Variants in GMDS observed in about 807,000 individuals in gnomAD.
The protein encoded by GMDS is GDP-mannose 4,6-dehydratase, also known as GDP-mannose 4,6 dehydratase.
A neutral mutation model predicts 49.9 loss-of-function variants in GMDS; 20 were observed. That is an observed-to-expected ratio of 0.40 (90% confidence interval 0.28 to 0.58). GMDS has a LOEUF of 0.58. GMDS is among the 20% of genes least tolerant of loss of function. The probability of loss-of-function intolerance (pLI) is 0.42; values close to 1 mark genes in which losing one functional copy is unlikely to be tolerated. For missense variants in GMDS, 362 were observed against 481.4 expected (o/e 0.75, Z 2.32); for synonymous variants, 177 against 178.6 (o/e 0.99, Z 0.07).
chr6:2,205,616 C>T (rs1219223184), intron 1 of GMDS, among the ~76,000 whole-genome samples: 1 of 152,194 alleles, frequency 6.6e-6, no homozygotes, highest in African/African-American at 2.4e-5. Context: ...TCTTACAAGT[C>T]CTGCACAATG....
chr6:2,059,175 CAAAAAAAAAA>C (rs55832305), intron 4 of GMDS, among the ~76,000 whole-genome samples: 6 of 30,014 alleles, frequency 2.0e-4, no homozygotes, highest in Admixed American at 1.2e-3. Flanking sequence ...TCCTCTGTCT[CAAAAAAAAAA>C]AAAAAAAAAA....
chr6:2,068,756 G>A (rs1369382007), intron 4 of GMDS, among the ~76,000 whole-genome samples: 1 of 152,142 alleles, frequency 6.6e-6, no homozygotes, highest in East Asian at 1.9e-4. Flanking sequence ...ACTGCTCAAG[G>A]AAATAAAAGA....
At chr6:1,779,694 T>C (rs1768998850) in intron 7 of GMDS, among the ~76,000 whole-genome samples, 1 of 152,106 alleles carries the variant, frequency 6.6e-6, no homozygotes, top group African/African-American at 2.4e-5. Context: ...CAAGCATGAC[T>C]CAATCATGGA....
At chr6:2,119,533 G>A (rs1775025511) in intron 2 of GMDS, among the ~76,000 whole-genome samples, 1 of 152,190 alleles carries the variant, frequency 6.6e-6, no homozygotes, top group South Asian at 2.1e-4. Flanking sequence ...GTCTGCTTCT[G>A]AGACAGGTGA....
intron 1 of GMDS, among the ~76,000 whole-genome samples, chr6:2,182,282 A>G (rs1337300214): frequency 1.3e-5 from 2 of 152,250 alleles, no homozygotes; most frequent in East Asian, 1.9e-4. Context: ...TGAAAAAACT[A>G]TCTCCATAAC....
intron 4 of GMDS, among the ~76,000 whole-genome samples, chr6:2,095,353 C>T (rs1773535491): frequency 6.6e-6 from 1 of 152,194 alleles, no homozygotes; most frequent in Non-Finnish European, 1.5e-5. Context: ...CTCGTATTAA[C>T]TTAAGAACAT....
At chr6:1,882,519 T>G (rs897138765) in intron 7 of GMDS, among the ~76,000 whole-genome samples, 12 of 152,130 alleles carry the variant, frequency 7.9e-5, no homozygotes, top group African/African-American at 2.9e-4. Flanking sequence ...ATTTTGCAAT[T>G]AGAATAATCA....
chr6:1,941,052 A>C (rs147069587), intron 6 of GMDS, among the ~76,000 whole-genome samples: 1 of 122,302 alleles, frequency 8.2e-6, no homozygotes, highest in Non-Finnish European at 1.7e-5. Context: ...AACCCCACAA[A>C]GACAAAATCC....
At chr6:2,073,578 T>C (rs994001774) in intron 4 of GMDS, among the ~76,000 whole-genome samples, 5 of 152,300 alleles carry the variant, frequency 3.3e-5, no homozygotes, top group Non-Finnish European at 7.3e-5. Flanking sequence ...CCTACCCTGC[T>C]ACCAAATATT....
chr6:2,012,160 T>C lies in GMDS; in HGVS notation c.346-51194A>G, dbSNP rs371407185. On this transcript the variant is annotated intron_variant, in intron 4 of 10. Coordinates refer to ENST00000380815, the MANE Select transcript of GMDS (RefSeq NM_001500.4). ...GAGAAATTACGTGGTGGGTATAATG[T>C]ACTCTATTTGGGTGATGATTACACT... 3.0e-3 allele frequency among the ~76,000 whole-genome samples: 460 copies of C among 152,190 alleles called. 5 individuals are homozygous for C. The highest frequency in any genetic ancestry group is 0.01 in the African/African-American group (435 of 41,528).
chr6:1,637,299 G>A (rs576875033), intron 9 of GMDS, among the ~76,000 whole-genome samples: 8 of 152,230 alleles, frequency 5.3e-5, no homozygotes, highest in Non-Finnish European at 8.8e-5. Flanking sequence ...CAGGAGCCCC[G>A]CAGCTGGGCA....
At chr6:1,662,437 T>C (rs757982496) in intron 9 of GMDS, among the ~76,000 whole-genome samples, 1 of 152,158 alleles carries the variant, frequency 6.6e-6, no homozygotes, top group Admixed American at 6.5e-5. Flanking sequence ...CCGTGTGTGC[T>C]GGGGGCTCCA....
intron 1 of GMDS, among the ~76,000 whole-genome samples, chr6:2,173,567 T>A (rs1411757605): frequency 6.6e-6 from 1 of 152,238 alleles, no homozygotes; most frequent in Non-Finnish European, 1.5e-5. Flanking sequence ...GTATAATTAA[T>A]TCTGAGTGGG....
intron 8 of GMDS, among the ~76,000 whole-genome samples, chr6:1,731,152 G>A (rs1359794237): frequency 6.6e-6 from 1 of 152,194 alleles, no homozygotes; most frequent in African/African-American, 2.4e-5. Context: ...AGATGATTTC[G>A]AAGATACAGT....
At chr6:1,908,976 C>T (rs1224176388) in intron 7 of GMDS, among the ~76,000 whole-genome samples, 1 of 151,972 alleles carries the variant, frequency 6.6e-6, no homozygotes, top group East Asian at 1.9e-4. Flanking sequence ...CCAGTTCAGA[C>T]AAAAAGACTT....
intron 4 of GMDS, among the ~76,000 whole-genome samples, chr6:2,023,547 G>A (rs966123091): frequency 7.9e-5 from 12 of 152,214 alleles, no homozygotes; most frequent in Non-Finnish European, 1.6e-4. Context: ...ACAGGAGCAT[G>A]TGCACGCCAA....
At chr6:1,827,078 ATGTGTGTGTGTGTG>A (rs111813765) in intron 7 of GMDS, among the ~76,000 whole-genome samples, 83 of 125,282 alleles carry the variant, frequency 6.6e-4, no homozygotes, top group African/African-American at 1.9e-3. Flanking sequence ...AAAAATATAT[ATGTGTGTGTGTGTG>A]TGTGTGTGTG....
chr6:2,117,953 C>T (rs1202819468), intron 2 of GMDS, among the ~76,000 whole-genome samples: 1 of 152,200 alleles, frequency 6.6e-6, no homozygotes, highest in East Asian at 1.9e-4. Flanking sequence ...CCACAGAGCA[C>T]CAGGCCATCA....
At chr6:2,083,459 T>C (rs1374224267) in intron 4 of GMDS, among the ~76,000 whole-genome samples, 1 of 152,086 alleles carries the variant, frequency 6.6e-6, no homozygotes, top group African/African-American at 2.4e-5. Context: ...GGTTGTAAAA[T>C]TAAATGAAGT....
Sources: allele counts gnomAD v4.1 joint callset (sites outside exome capture counted in the v4.1 genomes callset), GRCh38; gene constraint gnomAD v4.1.1; transcripts MANE v1.5; gene names NCBI Gene and HGNC (gene_info 2026-07-23, HGNC 2026-07-21).